Variants in RUFY2 observed in about 807,000 individuals in gnomAD.
RUFY2 encodes the protein RUN and FYVE domain-containing protein 2.
RUFY2 carries 49 observed loss-of-function variants against 94.4 expected under a neutral mutation model. The observed-to-expected ratio is 0.52, with a 90% confidence interval of 0.41 to 0.66. RUFY2 has a LOEUF of 0.66. Among genes scored for constraint, RUFY2 ranks in the 30% least tolerant of loss-of-function variants. RUFY2 has a pLI of 0.00. For synonymous variants in RUFY2, 255 were observed against 235.7 expected (o/e 1.08, Z -0.75); for missense variants, 541 against 692.8 (o/e 0.78, Z 2.46).
rs894118734 is a variant in RUFY2 at position 68,363,641 on chromosome 10, A to AT, written c.1498dup (p.Ile500AsnfsTer4). On this transcript the variant is annotated frameshift_variant, in exon 15 of 18. Transcript: ENST00000602465. LOFTEE classifies it high-confidence loss of function. ...AAGAGCTTGCTCTTGTTCATGATAT[A>AT]TTTTTTTCAACTGCTGATTTTCATC... 3.7e-6 allele frequency: 6 copies of AT among 1,608,528 alleles called. No homozygotes were observed. Among genetic ancestry groups the AT allele is most frequent in the Admixed American group, 1.7e-5 (1 of 58,998 alleles).
At chr10:68,376,459 T>TCCCC (rs2048662766) in intron 13 of RUFY2, among the ~76,000 whole-genome samples, 2 of 27,756 alleles carry the variant, frequency 7.2e-5, no homozygotes, top group Non-Finnish European at 1.5e-4. Flanking sequence ...TATATATATA[T>TCCCC]ATATATATAT....
At chr10:68,363,397 G>T (rs2047589983) in intron 15 of RUFY2, among the ~76,000 whole-genome samples, 193 bp downstream of exon 15, 1 of 152,126 alleles carries the variant, frequency 6.6e-6, no homozygotes, top group African/African-American at 2.4e-5. Context: ...GTCTGGTCTT[G>T]ACCTCCTGAC....
chr10:68,379,602 A>G, intron 11 of RUFY2, 81 bp from the exon 12 acceptor site: 2 of 970,462 alleles, frequency 2.1e-6, no homozygotes, highest in Non-Finnish European at 3.1e-6. Flanking sequence ...TGTTTTTAAT[A>G]GATAGGGTAT....
At chr10:68,355,265 G>GTTAA in intron 16 of RUFY2, 88 bp downstream of exon 16, 1 of 951,056 alleles carries the variant, frequency 1.1e-6, no homozygotes, top group South Asian at 1.4e-5. Context: ...ATATCCTGGG[G>GTTAA]TTAATAATAC....
intron 7 of RUFY2, among the ~76,000 whole-genome samples, chr10:68,388,983 C>T (rs1263213571): frequency 6.6e-6 from 1 of 152,156 alleles, no homozygotes; most frequent in African/African-American, 2.4e-5. Flanking sequence ...GCCTCAACCT[C>T]CAGAGCTCAA....
At chr10:68,402,327 G>A (rs926869188) in intron 2 of RUFY2, among the ~76,000 whole-genome samples, 1 of 151,796 alleles carries the variant, frequency 6.6e-6, no homozygotes, top group Non-Finnish European at 1.5e-5. Flanking sequence ...ATTTTATTCT[G>A]AGATTTGGTC....
chr10:68,407,027 G>T, intron 1 of RUFY2, 159 bp downstream of exon 1: 1 of 1,486,000 alleles, frequency 6.7e-7, no homozygotes, highest in Non-Finnish European at 8.9e-7. Context: ...GACCCCGGGA[G>T]CCCCCGAGTC....
chr10:68,372,038 CCCACCTTCTGA>C (rs1564809585), intron 13 of RUFY2, among the ~76,000 whole-genome samples: 1 of 152,186 alleles, frequency 6.6e-6, no homozygotes, highest in Non-Finnish European at 1.5e-5. Flanking sequence ...CACCTGTAAT[CCCACCTTCTGA>C]GTAGGTTTAT....
downstream of RUFY2, chr10:68,342,298 C>G (rs1238349290): frequency 5.0e-6 from 2 of 397,254 alleles, no homozygotes; most frequent in Non-Finnish European, 9.0e-6. Flanking sequence ...TTTTTATATA[C>G]TAGTTACTCC....
chr10:68,369,466 C>G (rs1337041547), intron 13 of RUFY2, among the ~76,000 whole-genome samples: 1 of 137,884 alleles, frequency 7.3e-6, no homozygotes, highest in African/African-American at 2.8e-5. Flanking sequence ...GCCTGGGCAA[C>G]AGAGCCAGAC....
chr10:68,405,652 G>T, intron 1 of RUFY2: 1 of 941,520 alleles, frequency 1.1e-6, no homozygotes, highest in Non-Finnish European at 1.3e-6. Flanking sequence ...CAACAAACAT[G>T]ACAGGTAAAA....
chr10:68,384,948 T>G (rs1304127874), intron 8 of RUFY2, among the ~76,000 whole-genome samples: 1 of 152,098 alleles, frequency 6.6e-6, no homozygotes, highest in East Asian at 1.9e-4. Context: ...CAAGTTATCA[T>G]GTGTTCGTTG....
Position 68,345,463 on chromosome 10 carries a change from A to C in RUFY2, c.*305T>G, listed in dbSNP as rs1455688494. ...TACCAAATTGACAGAATTCAGAAGA[A>C]AAAAACAATCTGAAGCCTTATTTTT... On this transcript the variant is annotated 3_prime_UTR_variant, in exon 18 of 18. Transcript: ENST00000602465. 1 of 404,192 alleles carries C rather than the reference A, an allele frequency of 2.5e-6. No individual in the cohort carries two copies. Among genetic ancestry groups the C allele is most frequent in the Non-Finnish European group, 4.3e-6 (1 of 230,128 alleles). 25.0% of individuals were successfully genotyped at this position (404,192 alleles called of 1,614,324 possible).
At position 68,396,909 on chromosome 10, in the gene RUFY2, A is replaced by G. The variant is rs368118841; in HGVS notation, c.297-28T>C. On this transcript the variant is annotated intron_variant, in intron 3 of 17. Transcript: ENST00000602465. ...AAAGAGAAGAACCAATTGATCAGAA[A>G]ACAGCCCTAGCCCAAAGATCACATC... 11 of 1,481,260 alleles carry G rather than the reference A, an allele frequency of 7.4e-6. No homozygotes were observed. The African/African-American group carries it at 1.5e-4, about 21-fold the overall frequency. 91.8% of individuals were successfully genotyped at this position (1,481,260 alleles called of 1,614,324 possible).
intron 7 of RUFY2, among the ~76,000 whole-genome samples, chr10:68,387,770 C>T (rs1203059246): frequency 6.6e-6 from 1 of 151,940 alleles, no homozygotes; most frequent in Non-Finnish European, 1.5e-5. Flanking sequence ...TTTGGGAGGC[C>T]GAGGCGGGCA....
chr10:68,386,276 G>A (rs575398440), intron 7 of RUFY2, 148 bp from the exon 8 acceptor site: 1 of 563,918 alleles, frequency 1.8e-6, no homozygotes, highest in Admixed American at 3.4e-5. Context: ...CATTAACTTG[G>A]ATAACTTGAT....
rs566532952 is a variant in RUFY2 at position 68,368,591 on chromosome 10, G to A, written c.1326-4478C>T. 5.3e-5 allele frequency among the ~76,000 whole-genome samples: 8 copies of A among 152,014 alleles called. No homozygotes were observed. In the South Asian group the frequency reaches 1.0e-3, roughly 20 times the overall value. On this transcript the variant is annotated intron_variant, in intron 13 of 17. Transcript: ENST00000602465. ...GGAGAATCGCTTGAACCCGGGAGGC[G>A]GAGGTTGCAGTGAGCCAAGATCGCG... is the stretch of plus-strand genomic sequence containing the variant.
chr10:68,359,563 ATAG>A (rs1302124881), intron 15 of RUFY2, among the ~76,000 whole-genome samples: 7 of 144,148 alleles, frequency 4.9e-5, no homozygotes, highest in Non-Finnish European at 1.1e-4. Context: ...AAAAATATAT[ATAG>A]TAGTACTACT....
downstream of RUFY2, chr10:68,341,973 T>C (rs565394974): frequency 1.2e-6 from 2 of 1,613,834 alleles, no homozygotes; most frequent in South Asian, 2.2e-5. Context: ...TATCTTTTTC[T>C]TAAGGCCGTG....
Sources: gnomAD v4.1 joint callset for allele counts (sites outside exome capture counted in the v4.1 genomes callset) on GRCh38, gnomAD v4.1.1 for gene constraint, MANE v1.5 for transcripts, NCBI Gene and HGNC (gene_info 2026-07-23, HGNC 2026-07-21) for gene names.